Variants in DISP3 observed in about 807,000 individuals in gnomAD.
The protein encoded by DISP3 is dispatched RND transporter family member 3.
In DISP3, 101 loss-of-function variants were observed where a neutral mutation model predicts 135.3. That is an observed-to-expected ratio of 0.75 (90% CI 0.64 to 0.88). DISP3 has a LOEUF of 0.88. DISP3 is among the 40% of genes least tolerant of loss of function. The pLI is 0.00. For missense variants in DISP3, 1,713 were observed against 1,878.6 expected (o/e 0.91, Z 1.63); for synonymous variants, 856 against 817.0 (o/e 1.05, Z -0.81).
intron 15 of DISP3, 119 bp downstream of exon 15, chr1:11,530,078 C>T: frequency 7.3e-7 from 1 of 1,376,256 alleles, no homozygotes; most frequent in Non-Finnish European, 9.8e-7. Context: ...CTCAATGGCT[C>T]CTCTAACCCA....
chr1:11,481,388 G>A (rs772230462), intron 1 of DISP3: 1 of 152,162 alleles, frequency 6.6e-6, no homozygotes, highest in Non-Finnish European at 1.5e-5. Context: ...CTCTCCAAGG[G>A]GCCAAGAACT....
At position 11,536,882 on chromosome 1, in the gene DISP3, A is replaced by C. The variant is rs1313179282; in HGVS notation, c.*196A>C. The C allele has an allele frequency of 2.7e-6, 2 of 752,086 alleles. No homozygotes were observed. The highest frequency in any genetic ancestry group is 2.3e-5 in the South Asian group (1 of 44,266). 46.6% of individuals were successfully genotyped at this position (752,086 alleles called of 1,614,324 possible). ...GAGCTGGGAGTTGGAGACAGCCGCC[A>C]CCCCACAGGCCGGGCTACTGGCAGC... On this transcript the variant is annotated 3_prime_UTR_variant, in exon 21 of 21. Transcript: ENST00000294484. This position sits in a 1 kb window ranked among gnomAD's most constrained non-coding sequence, Gnocchi z 4.3.
At chr1:11,507,000 G>A (rs759545713) in intron 3 of DISP3, among the ~76,000 whole-genome samples, 14 of 152,100 alleles carry the variant, frequency 9.2e-5, no homozygotes, top group Middle Eastern at 3.4e-3. Context: ...TTGAGACAGC[G>A]TTTCACTATG....
At chr1:11,510,053 C>T (rs1030200046) in intron 3 of DISP3, among the ~76,000 whole-genome samples, 1 of 152,022 alleles carries the variant, frequency 6.6e-6, no homozygotes, top group Non-Finnish European at 1.5e-5. Flanking sequence ...GAGCTGAGAT[C>T]GTGCCACTGC....
rs542073895 is a variant in DISP3 at position 11,520,568 on chromosome 1, C to T, written c.2201-119C>T. On this transcript the variant is annotated intron_variant, in intron 9 of 20. Transcript: ENST00000294484. This position sits in a 1 kb window ranked among gnomAD's most constrained non-coding sequence, Gnocchi z 4.8. ...GGCTGGCATGCAGGGCCTTCCCCCG[C>T]ACCCTTAGGACACCCGCCCCCCAAC... The T allele has an allele frequency of 2.1e-4, 247 of 1,167,472 alleles. No homozygotes were observed. The highest frequency in any genetic ancestry group is 6.0e-4 in the Admixed American group (25 of 41,434). 72.3% of individuals were successfully genotyped at this position (1,167,472 alleles called of 1,614,324 possible). A position where few individuals can be genotyped will look rare whatever the true frequency, so the allele number is the denominator to read the frequency against.
intron 1 of DISP3, among the ~76,000 whole-genome samples, chr1:11,486,583 C>T (rs1027216756): frequency 6.6e-6 from 1 of 152,014 alleles, no homozygotes; most frequent in Non-Finnish European, 1.5e-5. Context: ...AGCCAACTGG[C>T]GTTCTTGGGA....
At chr1:11,489,122 G>A (rs552550801) in intron 1 of DISP3, among the ~76,000 whole-genome samples, 5 of 152,328 alleles carry the variant, frequency 3.3e-5, no homozygotes, top group Non-Finnish European at 7.4e-5. Context: ...AGTTCTCAGA[G>A]GGAAAGAGAT....
chr1:11,522,651 G>A (rs374314958), intron 10 of DISP3, among the ~76,000 whole-genome samples: 2,748 of 22,636 alleles, frequency 0.12, 18 homozygotes, highest in East Asian at 0.16. Context: ...CCCAGCCAGG[G>A]CCCAGCCAGA....
chr1:11,528,696 TGTG>T (rs1408482901), intron 13 of DISP3, among the ~76,000 whole-genome samples: 2 of 152,162 alleles, frequency 1.3e-5, no homozygotes, highest in African/African-American at 4.8e-5. Flanking sequence ...ACGCGGGGAC[TGTG>T]GTCTCTGACG....
At position 11,531,194 on chromosome 1, in the gene DISP3, G is replaced by A. The variant is rs988009436; in HGVS notation, c.3229+161G>A. ...GCTGAGCATGTCCACACCAGGGTGG[G>A]GTGTGTGCCGGCAGTCGAGGGTTTT... is the stretch of plus-strand genomic sequence containing the variant. On this transcript the variant is annotated intron_variant, in intron 16 of 20. Transcript: ENST00000294484. This position sits in a 1 kb window ranked among gnomAD's most constrained non-coding sequence, Gnocchi z 5.2. Among the ~76,000 whole-genome samples, 8 of 152,204 alleles carry A rather than the reference G, an allele frequency of 5.3e-5. No individual in the cohort carries two copies. The highest frequency in any genetic ancestry group is 1.0e-4 in the Non-Finnish European group (7 of 68,038).
At chr1:11,522,804 GA>G (rs1557615485) in intron 10 of DISP3, among the ~76,000 whole-genome samples, 1 of 82,464 alleles carries the variant, frequency 1.2e-5, no homozygotes, top group Non-Finnish European at 2.4e-5. Flanking sequence ...GCCCAGCCAG[GA>G]CCCAGCCAGG....
chr1:11,483,393 A>C lies in DISP3; in HGVS notation c.-4+4021A>C, dbSNP rs1185135941. Among the ~76,000 whole-genome samples the C allele has an allele frequency of 6.6e-6, 1 of 152,194 alleles. No individual in the cohort carries two copies. Among genetic ancestry groups the C allele is most frequent in the Non-Finnish European group, 1.5e-5 (1 of 68,030 alleles). ...GCTAAGCATTTACATGGACTGTCTC[A>C]CTTAAGCCTTGCCACCATCTCATGT... On this transcript the variant is annotated intron_variant, in intron 1 of 20. Coordinates refer to ENST00000294484, the MANE Select transcript of DISP3 (RefSeq NM_020780.2). The surrounding 1 kb of genome is among the most constrained non-coding windows in gnomAD (Gnocchi z 5.4).
chr1:11,527,444 G>C (rs139024934), intron 13 of DISP3, among the ~76,000 whole-genome samples: 2,619 of 152,096 alleles, frequency 0.017, 34 homozygotes, highest in Non-Finnish European at 0.027. Context: ...AGCTACTCAG[G>C]AGGCTGAGGC....
At chr1:11,525,108 T>C in intron 11 of DISP3, 68 bp from the exon 12 acceptor site, 1 of 1,582,318 alleles carries the variant, frequency 6.3e-7, no homozygotes, top group Non-Finnish European at 8.7e-7. Flanking sequence ...GAGGGTGGGC[T>C]GCTCCAGGGT....
Position 11,536,728 on chromosome 1 carries a change from G to A in DISP3, c.*42G>A, listed in dbSNP as rs1476114397. On this transcript the variant is annotated 3_prime_UTR_variant, in exon 21 of 21. Transcript: ENST00000294484. This position sits in a 1 kb window ranked among gnomAD's most constrained non-coding sequence, Gnocchi z 4.3. ...GACACTTGCACCTTTGGTCCCATGG[G>A]TGGGGGACAGGAGCTGCTTCCCAGC... 1.4e-5 allele frequency: 20 copies of A among 1,476,912 alleles called. No homozygotes were observed. In the South Asian group the frequency reaches 2.5e-4, roughly 18 times the overall value. 91.5% of individuals were successfully genotyped at this position (1,476,912 alleles called of 1,614,324 possible).
rs1389683424 is a variant in DISP3, at chr1:11,502,817, T to G, written c.1236T>G (p.Asp412Glu). 1 of 1,614,248 alleles carries G rather than the reference T, an allele frequency of 6.2e-7. No homozygotes were observed. Among genetic ancestry groups the G allele is most frequent in the South Asian group, 1.1e-5 (1 of 91,082 alleles). ...CCCTGCCCAACTACTACTCAGTAGA[T>G]GACCGCTGGGAGGAACAACGGGCTA... ...GAPLPNYYSV[D>E]DRWEEQRAKF... The change falls in exon 3 of 21, where the codon GAT becomes GAG. Residue 412 changes from aspartate (D) to glutamate (E), a missense_variant. Around this residue, in one of 2 missense-constraint regions of DISP3, gnomAD observed 1,142 missense variants for 1,384.6 expected, o/e 0.82. Transcript: ENST00000294484.
intron 3 of DISP3, among the ~76,000 whole-genome samples, chr1:11,504,732 C>G (rs1287124083): frequency 6.6e-6 from 1 of 152,176 alleles, no homozygotes; most frequent in South Asian, 2.1e-4. Flanking sequence ...GACCTTCCTT[C>G]GTGTTATGAT....
At chr1:11,534,623 TCA>T (rs1398505539) in intron 18 of DISP3, 83 bp downstream of exon 18, 1 of 1,493,338 alleles carries the variant, frequency 6.7e-7, no homozygotes, top group Non-Finnish European at 9.0e-7. Flanking sequence ...GCGGCCTGAG[TCA>T]CAATCTCCAT....
At chr1:11,509,915 A>G (rs1415218165) in intron 3 of DISP3, among the ~76,000 whole-genome samples, 1 of 152,138 alleles carries the variant, frequency 6.6e-6, no homozygotes, top group African/African-American at 2.4e-5. Context: ...CATGGCTAAC[A>G]TGGTGAAACC....
Sources: gnomAD v4.1 joint callset for allele counts (sites outside exome capture counted in the v4.1 genomes callset) on GRCh38, gnomAD v4.1.1 for gene constraint, gnomAD v4.1.1 regional missense constraint, Gnocchi (gnomAD v3.1) non-coding constraint, MANE v1.5 for transcripts, NCBI Gene and HGNC (gene_info 2026-07-23, HGNC 2026-07-21) for gene names.